Variants in AKAP19 observed in about 807,000 individuals in gnomAD.
AKAP19 encodes small A-kinase anchoring protein.
At chr2:190,066,609 A>G in the AKAP19 span, among the ~76,000 whole-genome samples, 8 of 152,186 alleles carry the variant, frequency 5.3e-5, no homozygotes, top group African/African-American at 1.9e-4. Context: ...TGAGAAGATA[A>G]TCATCCCACA....
the AKAP19 span, among the ~76,000 whole-genome samples, chr2:190,172,850 C>T: frequency 8.5e-5 from 13 of 152,290 alleles, no homozygotes; most frequent in African/African-American, 2.9e-4. Flanking sequence ...CAGTGGCTCA[C>T]GCCTGGAATC....
the AKAP19 span, among the ~76,000 whole-genome samples, chr2:190,068,400 G>T: frequency 9.9e-5 from 15 of 152,168 alleles, no homozygotes; most frequent in African/African-American, 3.6e-4. Flanking sequence ...CAGGATCTCG[G>T]CTCACTGCAA....
the AKAP19 span, among the ~76,000 whole-genome samples, chr2:190,152,919 G>T: frequency 6.9e-6 from 1 of 143,904 alleles, no homozygotes. Context: ...TTTTTGAGAC[G>T]AAGTCTCACT....
chr2:189,950,326 C>G, the AKAP19 span, among the ~76,000 whole-genome samples: 15 of 114,006 alleles, frequency 1.3e-4, 1 homozygote, highest in East Asian at 2.1e-3. Flanking sequence ...TGGCGCCCAG[C>G]CTTTTTTGTT....
the AKAP19 span, among the ~76,000 whole-genome samples, chr2:189,885,883 A>G: frequency 6.6e-6 from 1 of 152,126 alleles, no homozygotes; most frequent in Non-Finnish European, 1.5e-5. Flanking sequence ...ATCTCGGCTC[A>G]CTGCAACCTC....
the AKAP19 span, among the ~76,000 whole-genome samples, chr2:190,102,651 T>C: frequency 6.6e-6 from 1 of 152,046 alleles, no homozygotes; most frequent in South Asian, 2.1e-4. Context: ...ATTGAAACCC[T>C]GAACAGACCA....
chr2:190,153,973 C>G, the AKAP19 span, among the ~76,000 whole-genome samples: 1 of 152,058 alleles, frequency 6.6e-6, no homozygotes, highest in East Asian at 1.9e-4. Context: ...CTCTGTGAGA[C>G]GAGATGGGTA....
At chr2:189,995,198 C>A in the AKAP19 span, among the ~76,000 whole-genome samples, 1 of 152,130 alleles carries the variant, frequency 6.6e-6, no homozygotes, top group Admixed American at 6.5e-5. Flanking sequence ...GTCTTGATGA[C>A]CTGTCTAGTG....
At chr2:189,883,618 T>TA in the AKAP19 span, among the ~76,000 whole-genome samples, 1 of 151,712 alleles carries the variant, frequency 6.6e-6, no homozygotes, top group African/African-American at 2.4e-5. Context: ...CACTTTTTCA[T>TA]AAAATCTTTT....
chr2:189,940,228 G>A, the AKAP19 span, among the ~76,000 whole-genome samples: 49 of 150,494 alleles, frequency 3.3e-4, no homozygotes, highest in African/African-American at 1.1e-3. Context: ...GCAGTGAGCC[G>A]AGATTGCGCC....
At chr2:189,991,141 G>T in the AKAP19 span, among the ~76,000 whole-genome samples, 2 of 152,126 alleles carry the variant, frequency 1.3e-5, no homozygotes, top group African/African-American at 2.4e-5. Flanking sequence ...ATTGCAAATT[G>T]TACTGTTATA....
chr2:190,002,758 T>C, the AKAP19 span, among the ~76,000 whole-genome samples: 1 of 152,170 alleles, frequency 6.6e-6, no homozygotes, highest in South Asian at 2.1e-4. Flanking sequence ...TTTTTCCTTC[T>C]GTCTCCTACC....
chr2:190,042,416 A>G, the AKAP19 span, among the ~76,000 whole-genome samples: 3 of 151,138 alleles, frequency 2.0e-5, no homozygotes, highest in East Asian at 5.8e-4. Flanking sequence ...CTTCTTTATT[A>G]GTCTAGCTAA....
chr2:190,101,547 C>T, the AKAP19 span, among the ~76,000 whole-genome samples: 1 of 152,124 alleles, frequency 6.6e-6, no homozygotes, highest in Admixed American at 6.6e-5. Flanking sequence ...CCTCTATGCT[C>T]AGGCAGATCA....
chr2:190,189,464 T>C, the AKAP19 span, among the ~76,000 whole-genome samples: 1 of 152,140 alleles, frequency 6.6e-6, no homozygotes, highest in South Asian at 2.1e-4. Flanking sequence ...TAACATAAAT[T>C]AGTAAGCAGA....
the AKAP19 span, among the ~76,000 whole-genome samples, chr2:189,904,427 A>G: frequency 6.6e-6 from 1 of 152,038 alleles, no homozygotes; most frequent in South Asian, 2.1e-4. Flanking sequence ...GGTGCCAATT[A>G]TACTTTGTCA....
chr2:189,932,703 C>CT, the AKAP19 span, among the ~76,000 whole-genome samples: 2 of 129,172 alleles, frequency 1.5e-5, no homozygotes, highest in Non-Finnish European at 1.5e-5. Context: ...GATACCCTCT[C>CT]TTTCAAAAAA....
At chr2:189,909,231 T>G in the AKAP19 span, among the ~76,000 whole-genome samples, 2 of 151,888 alleles carry the variant, frequency 1.3e-5, no homozygotes, top group African/African-American at 4.8e-5. Flanking sequence ...TTTTCTTTGC[T>G]TTTAGTCTGT....
chr2:189,970,744 G>T, the AKAP19 span, among the ~76,000 whole-genome samples: 1 of 152,274 alleles, frequency 6.6e-6, no homozygotes, highest in Admixed American at 6.5e-5. Context: ...CTGGTCACAG[G>T]CTGTACGTAT....
Sources: allele counts gnomAD v4.1 joint callset (sites outside exome capture counted in the v4.1 genomes callset), GRCh38; gene constraint gnomAD v4.1.1; transcripts MANE v1.5; gene names NCBI Gene and HGNC (gene_info 2026-07-23, HGNC 2026-07-21).